MTHFD1L: variants seen among roughly 807,000 people sequenced by gnomAD.
The protein encoded by MTHFD1L is monofunctional C1-tetrahydrofolate synthase, mitochondrial.
In MTHFD1L, 81 loss-of-function variants were observed where a neutral mutation model predicts 119.5. That is an observed-to-expected ratio of 0.68 (90% CI 0.57 to 0.82). MTHFD1L has a LOEUF of 0.82. Among genes scored for constraint, MTHFD1L ranks in the 40% least tolerant of loss-of-function variants. The pLI, the probability that MTHFD1L is intolerant of heterozygous loss-of-function variation, is 0.00. For missense variants in MTHFD1L, 1,125 were observed against 1,253.4 expected (o/e 0.90, Z 1.55); for synonymous variants, 430 against 475.2 (o/e 0.90, Z 1.24).
At chr6:150,927,889 G>A (rs1790316388) in intron 11 of MTHFD1L, among the ~76,000 whole-genome samples, 1 of 152,164 alleles carries the variant, frequency 6.6e-6, no homozygotes, top group South Asian at 2.1e-4. Flanking sequence ...TACCCTGGTA[G>A]TTCTGAGTGT....
intron 19 of MTHFD1L, among the ~76,000 whole-genome samples, chr6:150,966,043 G>C (rs1400207200): frequency 1.3e-5 from 2 of 152,176 alleles, no homozygotes; most frequent in Non-Finnish European, 2.9e-5. Flanking sequence ...AAGAACATTT[G>C]GACAGAGGGT....
At chr6:150,875,484 C>T (rs1262862621) in intron 1 of MTHFD1L, among the ~76,000 whole-genome samples, 2 of 152,096 alleles carry the variant, frequency 1.3e-5, no homozygotes, top group East Asian at 3.9e-4. Flanking sequence ...GACTGAGAAG[C>T]TCTCTGTCTC....
chr6:150,925,331 G>GGCCTGACTGCCCA (rs2128906859), intron 10 of MTHFD1L, among the ~76,000 whole-genome samples: 1 of 152,218 alleles, frequency 6.6e-6, no homozygotes, highest in East Asian at 1.9e-4. Flanking sequence ...ACACATGAAG[G>GGCCTGACTGCCCA]GCCTGACTGC....
At chr6:150,893,279 G>A (rs1783652782) in intron 7 of MTHFD1L, among the ~76,000 whole-genome samples, 1 of 152,122 alleles carries the variant, frequency 6.6e-6, no homozygotes, top group Non-Finnish European at 1.5e-5. Context: ...TGGCCAGGCT[G>A]GTCTCGAACT....
At chr6:150,940,612 G>T (rs570603457) in intron 13 of MTHFD1L, among the ~76,000 whole-genome samples, 166 of 152,004 alleles carry the variant, frequency 1.1e-3, no homozygotes, top group Middle Eastern at 3.4e-3. Flanking sequence ...ATGGAGTCTC[G>T]CTCTGTCACC....
intron 5 of MTHFD1L, among the ~76,000 whole-genome samples, chr6:150,883,758 C>G (rs1481272571): frequency 6.6e-6 from 1 of 152,170 alleles, no homozygotes; most frequent in Non-Finnish European, 1.5e-5. Flanking sequence ...GATAAGCATG[C>G]TTCCTGGGGA....
At chr6:150,959,394 C>G (rs1429717841) in intron 17 of MTHFD1L, among the ~76,000 whole-genome samples, 1 of 152,178 alleles carries the variant, frequency 6.6e-6, no homozygotes, top group East Asian at 1.9e-4. Context: ...TGGTTCTGTC[C>G]AGAGAAACAT....
intron 24 of MTHFD1L, among the ~76,000 whole-genome samples, chr6:151,028,568 C>G (rs1784895513): frequency 1.3e-5 from 2 of 152,140 alleles, no homozygotes; most frequent in South Asian, 4.1e-4. Context: ...AGGACAGATA[C>G]TGCTTGATTC....
chr6:150,987,670 A>G (rs531247797), intron 20 of MTHFD1L, among the ~76,000 whole-genome samples: 1 of 152,268 alleles, frequency 6.6e-6, no homozygotes, highest in East Asian at 1.9e-4. Flanking sequence ...TGCTTTTACC[A>G]CCGTGCTTTG....
chr6:151,097,614 G>A (rs993518792), intron 27 of MTHFD1L, among the ~76,000 whole-genome samples: 1 of 152,162 alleles, frequency 6.6e-6, no homozygotes, highest in Non-Finnish European at 1.5e-5. Context: ...CTGGGAGGAG[G>A]TTATGAAGAA....
Position 150,866,025 on chromosome 6 carries a change from C to A in MTHFD1L, c.203C>A (p.Pro68His), listed in dbSNP as rs1053900238. The A allele has an allele frequency of 1.1e-5, 16 of 1,407,084 alleles. No homozygotes were observed. The African/African-American group carries it at 1.8e-4, about 16-fold the overall frequency. The allele number at this position is 1,407,084 out of a possible 1,614,324, so 87.2% of individuals were successfully genotyped here. A position where few individuals can be genotyped will look rare whatever the true frequency, so the allele number is the denominator to read the frequency against. The change falls in exon 1 of 28, where the codon CCC (proline) becomes CAC (histidine). Residue 68 changes from proline (P) to histidine (H), a missense_variant. Transcript: ENST00000367321. Reference sequence around the variant, plus strand: ...AGCTGCAGCCCCGGCGGCCGAACGCCCGCGGCGCGGGACTCCATCGTCAGG... The same window carrying A: ...AGCTGCAGCCCCGGCGGCCGAACGCACGCGGCGCGGGACTCCATCGTCAGG... ...RSSCSPGGRT[P>H]AARDSIVREV...
In MTHFD1L at chr6:150,926,397, A is replaced by C. The variant is rs1789994669; in HGVS notation, c.1256+102A>C. 9.2e-7 allele frequency: 1 copy of C among 1,081,422 alleles called. No individual in the cohort carries two copies. The highest frequency in any genetic ancestry group is 1.8e-5 in the South Asian group (1 of 56,144). The allele number at this position is 1,081,422 out of a possible 1,614,324, so 67.0% of individuals were successfully genotyped here. On this transcript the variant is annotated intron_variant, in intron 11 of 27. Transcript: ENST00000367321. The surrounding 1 kb of genome is among the most constrained non-coding windows in gnomAD (Gnocchi z 4.3). ...ACCCCTCAATCCATCCTATTCTCAC[A>C]TTTGACATTTCGTCCATTTCATTTG...
At chr6:150,887,419 T>C (rs1782502938) in intron 6 of MTHFD1L, among the ~76,000 whole-genome samples, 1 of 152,184 alleles carries the variant, frequency 6.6e-6, no homozygotes, top group Non-Finnish European at 1.5e-5. Flanking sequence ...TAGTTCCTAG[T>C]CATTGTAGGT....
intron 26 of MTHFD1L, among the ~76,000 whole-genome samples, chr6:151,092,217 G>A (rs774074904): frequency 6.6e-6 from 1 of 152,174 alleles, no homozygotes; most frequent in Non-Finnish European, 1.5e-5. Context: ...CTGTTTTGTA[G>A]TTCGGGTGTG....
intron 20 of MTHFD1L, among the ~76,000 whole-genome samples, chr6:151,005,968 T>C (rs1462387371): frequency 6.6e-6 from 1 of 152,166 alleles, no homozygotes; most frequent in East Asian, 1.9e-4. Flanking sequence ...AATGCTATTT[T>C]ATGTGTCTAT....
At chr6:150,986,021 A>C (rs768397653) in intron 20 of MTHFD1L, among the ~76,000 whole-genome samples, 1 of 152,222 alleles carries the variant, frequency 6.6e-6, no homozygotes, top group Non-Finnish European at 1.5e-5. Context: ...TGTTAAGCAA[A>C]ATTTGAGGGA....
chr6:151,085,179 T>C (rs1055264424), intron 26 of MTHFD1L, among the ~76,000 whole-genome samples: 7 of 151,670 alleles, frequency 4.6e-5, no homozygotes, highest in African/African-American at 1.7e-4. Context: ...ACTTTTTTCT[T>C]CTATGTTGAA....
intron 7 of MTHFD1L, among the ~76,000 whole-genome samples, chr6:150,893,992 C>T (rs1318589960): frequency 6.6e-6 from 1 of 152,114 alleles, no homozygotes; most frequent in Admixed American, 6.5e-5. Flanking sequence ...GCCTGTAATC[C>T]CAGCACTTTG....
rs375474439 is a variant in MTHFD1L at position 151,011,368 on chromosome 6, C to T, written c.2265+1410C>T. Reference sequence around the variant, plus strand: ...GTAGGATGCATTTGGAATTCTCCCTCCCTGCCCTGCCACCCTGAAAATTAT... The same window carrying T: ...GTAGGATGCATTTGGAATTCTCCCTTCCTGCCCTGCCACCCTGAAAATTAT... On this transcript the variant is annotated intron_variant, in intron 21 of 27. Transcript: ENST00000367321. 2.9e-4 allele frequency among the ~76,000 whole-genome samples: 44 copies of T among 152,282 alleles called. 1 individual carries two copies. In the East Asian group the frequency reaches 6.9e-3, roughly 24 times the overall value.
Sources: gnomAD v4.1 joint callset for allele counts (sites outside exome capture counted in the v4.1 genomes callset) on GRCh38, gnomAD v4.1.1 for gene constraint, Gnocchi (gnomAD v3.1) non-coding constraint, MANE v1.5 for transcripts, NCBI Gene and HGNC (gene_info 2026-07-23, HGNC 2026-07-21) for gene names.